The following TUT7 variants were observed in gnomAD, a reference collection of about 807,000 sequenced individuals.
TUT7 encodes terminal uridylyl transferase 7.
A neutral mutation model predicts 165.9 loss-of-function variants in TUT7; 33 were observed. The observed-to-expected ratio is 0.20, with a 90% confidence interval of 0.15 to 0.27. TUT7 has a LOEUF of 0.27. TUT7 is among the 10% of genes least tolerant of loss of function. The pLI, the probability that TUT7 is intolerant of heterozygous loss-of-function variation, is 1.00. For synonymous variants in TUT7, 552 were observed against 608.1 expected (o/e 0.91, Z 1.36); for missense variants, 1,338 against 1,762.3 (o/e 0.76, Z 4.31).
chr9:86,298,873 G>A (rs1464683335), intron 26 of TUT7: 2 of 940,018 alleles, frequency 2.1e-6, no homozygotes, highest in African/African-American at 1.8e-5. Flanking sequence ...GAAAGGAAGA[G>A]CATCTGAAAC....
At chr9:86,297,387 G>A (rs1311396344) in intron 26 of TUT7, among the ~76,000 whole-genome samples, 1 of 152,126 alleles carries the variant, frequency 6.6e-6, no homozygotes, top group East Asian at 1.9e-4. Context: ...GGAGGATAAG[G>A]CAGTCTCTCA....
intron 2 of TUT7, among the ~76,000 whole-genome samples, chr9:86,346,843 CATAT>C (rs1201060379): frequency 1.3e-5 from 2 of 152,086 alleles, no homozygotes; most frequent in African/African-American, 4.8e-5. Context: ...TATTACAATA[CATAT>C]TGTAAATATA....
chr9:86,295,790 A>G (rs910074147), intron 26 of TUT7, among the ~76,000 whole-genome samples: 2 of 152,136 alleles, frequency 1.3e-5, no homozygotes, highest in Admixed American at 1.3e-4. Flanking sequence ...AGCAACTCCA[A>G]TTTTTCAGAT....
At chr9:86,309,624 A>T (rs1349071834) in intron 19 of TUT7, 48 bp from the exon 20 acceptor site, 2 of 1,410,176 alleles carry the variant, frequency 1.4e-6, no homozygotes, top group South Asian at 2.4e-5. Context: ...GTTTTCTGCT[A>T]ACTTTGCATC....
At chr9:86,321,537 T>C (rs1406871049) in intron 14 of TUT7, among the ~76,000 whole-genome samples, 3 of 152,164 alleles carry the variant, frequency 2.0e-5, no homozygotes, top group Admixed American at 6.5e-5. Context: ...GAGACCAGCC[T>C]GGCCAACGTG....
At chr9:86,301,929 A>G in intron 25 of TUT7, 1 of 889,342 alleles carries the variant, frequency 1.1e-6, no homozygotes, top group Non-Finnish European at 1.3e-6. Flanking sequence ...GATTTCTTGA[A>G]CGGCCTTTCT....
intron 17 of TUT7, among the ~76,000 whole-genome samples, chr9:86,316,212 G>A (rs984253133): frequency 6.6e-6 from 1 of 152,146 alleles, no homozygotes. Context: ...TACGTTAACA[G>A]CATTTCAATT....
intron 2 of TUT7, among the ~76,000 whole-genome samples, chr9:86,347,165 C>A (rs1008868509): frequency 6.6e-5 from 10 of 152,128 alleles, no homozygotes; most frequent in African/African-American, 2.2e-4. Flanking sequence ...CTTTGAATGG[C>A]CTGTACACTG....
intron 2 of TUT7, 192 bp downstream of exon 2, chr9:86,352,488 T>C (rs1832387979): frequency 1.9e-5 from 13 of 679,374 alleles, no homozygotes; most frequent in Middle Eastern, 3.1e-4. Context: ...GATCAACATA[T>C]GAAATGTGTT....
At chr9:86,305,133 T>C (rs1421691934) in intron 23 of TUT7, 59 bp downstream of exon 23, 3 of 1,462,270 alleles carry the variant, frequency 2.1e-6, no homozygotes, top group Non-Finnish European at 2.8e-6. Flanking sequence ...CCTGTCTCTA[T>C]TATAAAAGTA....
chr9:86,324,458 A>C (rs1829609732), intron 12 of TUT7: 1 of 152,996 alleles, frequency 6.5e-6, no homozygotes, highest in Admixed American at 6.5e-5. Context: ...CACTTCTCTC[A>C]ATCTTTTCTC....
At chr9:86,295,768 C>T (rs1194938196) in intron 26 of TUT7, among the ~76,000 whole-genome samples, 4 of 151,876 alleles carry the variant, frequency 2.6e-5, no homozygotes, top group African/African-American at 7.3e-5. Flanking sequence ...AAGACATCCA[C>T]CAATCTCTTA....
chr9:86,310,636 T>G, intron 18 of TUT7, 70 bp downstream of exon 18: 2 of 794,674 alleles, frequency 2.5e-6, no homozygotes, highest in Non-Finnish European at 4.3e-6. Flanking sequence ...TTCTTTAACT[T>G]GAGGTTTTTG....
At position 86,353,135 on chromosome 9, in the gene TUT7, T is replaced by C. The variant is rs1832445445; in HGVS notation, c.65A>G (p.Asp22Gly). The C allele has an allele frequency of 6.2e-7, 1 of 1,611,560 alleles. No homozygotes were observed. Among genetic ancestry groups the C allele is most frequent in the Non-Finnish European group, 8.5e-7 (1 of 1,179,496 alleles). The change falls in exon 2 of 27, where the codon GAT becomes GGT. Residue 22 changes from aspartate (D) to glycine (G), a missense_variant. Coordinates refer to ENST00000375963, the MANE Select transcript of TUT7 (RefSeq NM_024617.4). ...RTKDRGTMDD[D>G]DFRRGHPQQD... Reference sequence around the variant, plus strand: ...TTGGGGGTGACCCCTTCTGAAGTCATCATCATCCATAGTCCCCCGGTCTTT... The same window carrying C: ...TTGGGGGTGACCCCTTCTGAAGTCACCATCATCCATAGTCCCCCGGTCTTT...
At chr9:86,345,298 C>A (rs1588011221) in intron 4 of TUT7, 144 bp from the exon 5 acceptor site, 2 of 724,792 alleles carry the variant, frequency 2.8e-6, no homozygotes, top group East Asian at 5.7e-5. Context: ...TCCTATCAAA[C>A]ATATACATAC....
At chr9:86,353,315 GC>G in intron 1 of TUT7, 85 bp from the exon 2 acceptor site, 1 of 1,095,632 alleles carries the variant, frequency 9.1e-7, no homozygotes, top group Non-Finnish European at 1.3e-6. Context: ...TCGTACAGAT[GC>G]CCCAAAGCCT....
chr9:86,308,392 A>G (rs754035270), intron 22 of TUT7, 37 bp downstream of exon 22: 4 of 1,567,762 alleles, frequency 2.6e-6, no homozygotes, highest in Non-Finnish European at 3.5e-6. Context: ...TTCAAGCTCT[A>G]TAGTCTATTC....
At chr9:86,344,516 C>T (rs748363979) in intron 5 of TUT7, among the ~76,000 whole-genome samples, 4 of 151,418 alleles carry the variant, frequency 2.6e-5, no homozygotes, top group Admixed American at 6.6e-5. Flanking sequence ...AAATCCAATA[C>T]AAATTTCTTA....
chr9:86,325,246 G>A, intron 12 of TUT7, 88 bp downstream of exon 12: 2 of 1,327,748 alleles, frequency 1.5e-6, no homozygotes, highest in South Asian at 2.7e-5. Flanking sequence ...TGTAGGAGCT[G>A]AAAAGAGACT....
Sources: allele counts gnomAD v4.1 joint callset (sites outside exome capture counted in the v4.1 genomes callset), GRCh38; gene constraint gnomAD v4.1.1; transcripts MANE v1.5; gene names NCBI Gene and HGNC (gene_info 2026-07-23, HGNC 2026-07-21).